The following TMEM132B variants were observed in gnomAD, a reference collection of about 807,000 sequenced individuals.
TMEM132B encodes the protein transmembrane protein 132B.
A neutral mutation model predicts 90.8 loss-of-function variants in TMEM132B; 18 were observed. That is an observed-to-expected ratio of 0.20 (90% CI 0.14 to 0.29). The LOEUF (loss-of-function observed/expected upper bound fraction) is 0.29. TMEM132B is among the 10% of genes least tolerant of loss of function. The probability of loss-of-function intolerance (pLI) is 1.00; values close to 1 mark genes in which losing one functional copy is unlikely to be tolerated. For missense variants in TMEM132B, 1,096 were observed against 1,326.8 expected, an observed-to-expected ratio of 0.83 and a Z score of 2.70; for synonymous variants, 504 against 523.3, an observed-to-expected ratio of 0.96 and a Z score of 0.50.
At chr12:125,565,290 G>A (rs532096908) in intron 4 of TMEM132B, among the ~76,000 whole-genome samples, 1 of 152,182 alleles carries the variant, frequency 6.6e-6, no homozygotes, top group Non-Finnish European at 1.5e-5. Context: ...GAGCTGCCAT[G>A]CATGCTCAAA....
intron 4 of TMEM132B, among the ~76,000 whole-genome samples, chr12:125,563,226 CAG>C (rs1029467954): frequency 2.6e-5 from 4 of 151,540 alleles, no homozygotes; most frequent in African/African-American, 4.9e-5. Flanking sequence ...CAAAATGTGA[CAG>C]AGACTTAAGT....
At chr12:125,470,343 T>C (rs1881679446) in intron 3 of TMEM132B, among the ~76,000 whole-genome samples, 1 of 152,180 alleles carries the variant, frequency 6.6e-6, no homozygotes, top group Non-Finnish European at 1.5e-5. Flanking sequence ...TACAGAGTGG[T>C]CTTTGCTGCA....
chr12:125,582,714 T>C (rs1033985544), intron 4 of TMEM132B, among the ~76,000 whole-genome samples: 8 of 152,242 alleles, frequency 5.3e-5, no homozygotes, highest in African/African-American at 1.9e-4. Flanking sequence ...GCTGGATTTA[T>C]TGCATGCTTG....
chr12:125,437,381 G>C (rs1217820794), intron 3 of TMEM132B, among the ~76,000 whole-genome samples: 1 of 152,204 alleles, frequency 6.6e-6, no homozygotes, highest in African/African-American at 2.4e-5. Flanking sequence ...TGTGCATAGT[G>C]CTGCTATAAA....
intron 8 of TMEM132B, among the ~76,000 whole-genome samples, chr12:125,653,101 A>G (rs183487661): frequency 7.5e-4 from 114 of 152,298 alleles, no homozygotes; most frequent in African/African-American, 2.6e-3. Flanking sequence ...GAGCCACTGT[A>G]CCATTCAAGC....
At chr12:125,617,901 A>G (rs558328898) in intron 5 of TMEM132B, among the ~76,000 whole-genome samples, 7 of 151,928 alleles carry the variant, frequency 4.6e-5, no homozygotes, top group South Asian at 4.2e-4. Flanking sequence ...TTGAGTTTAT[A>G]TATTAATAGT....
intron 1 of TMEM132B, among the ~76,000 whole-genome samples, chr12:125,338,304 C>G (rs565970600): frequency 1.3e-5 from 2 of 152,302 alleles, no homozygotes; most frequent in East Asian, 3.9e-4. Context: ...CTTGTCTTCT[C>G]ACATTGTGTC....
chr12:125,317,186 C>T (rs879784837), intron 1 of TMEM132B, among the ~76,000 whole-genome samples: 17 of 151,610 alleles, frequency 1.1e-4, no homozygotes, highest in Admixed American at 2.0e-4. Context: ...CCTCAGTTTC[C>T]TCCTCAGATG....
chr12:125,440,276 G>A (rs1379981289), intron 3 of TMEM132B, among the ~76,000 whole-genome samples: 3 of 152,152 alleles, frequency 2.0e-5, no homozygotes, highest in Non-Finnish European at 4.4e-5. Flanking sequence ...TTTTGTCAGA[G>A]AAACACTCAC....
chr12:125,198,187 A>G (rs1872973310), intron 1 of TMEM132B, among the ~76,000 whole-genome samples: 2 of 152,184 alleles, frequency 1.3e-5, no homozygotes, highest in Non-Finnish European at 2.9e-5. Flanking sequence ...GTGATGCTGC[A>G]ATGGAGATGA....
intron 1 of TMEM132B, among the ~76,000 whole-genome samples, chr12:125,317,686 G>A (rs1876321338): frequency 6.6e-6 from 1 of 152,120 alleles, no homozygotes; most frequent in South Asian, 2.1e-4. Flanking sequence ...TCCAGGGCTG[G>A]GCTTTCACCT....
chr12:125,322,743 A>T (rs1407426694), intron 1 of TMEM132B, among the ~76,000 whole-genome samples: 1 of 152,214 alleles, frequency 6.6e-6, no homozygotes, highest in Non-Finnish European at 1.5e-5. Flanking sequence ...TATAAAAGTG[A>T]TTATAATTAA....
intron 1 of TMEM132B, among the ~76,000 whole-genome samples, chr12:125,219,957 CTG>C (rs1873522393): frequency 6.6e-6 from 1 of 152,206 alleles, no homozygotes; most frequent in Non-Finnish European, 1.5e-5. Context: ...TGGAAGCCTG[CTG>C]TGTGTCAGTA....
chr12:125,630,431 G>T lies in TMEM132B; in HGVS notation c.1438-13645G>T, dbSNP rs1593032616. ...GTTTCCAATTTATTTATGTATAGTT[G>T]CTTATGGTAGCCACTAATAATCCTT... is the stretch of plus-strand genomic sequence containing the variant. On this transcript the variant is annotated intron_variant, in intron 5 of 8. Coordinates refer to ENST00000682704, the MANE Select transcript of TMEM132B (RefSeq NM_001366854.1). 3.9e-5 allele frequency among the ~76,000 whole-genome samples: 6 copies of T among 151,936 alleles called. No homozygotes were observed. The South Asian group carries it at 1.2e-3, about 32-fold the overall frequency.
chr12:125,560,244 G>A (rs562628948), intron 4 of TMEM132B, among the ~76,000 whole-genome samples: 20 of 152,286 alleles, frequency 1.3e-4, no homozygotes, highest in Non-Finnish European at 1.8e-4. Context: ...TGGGAGCTGC[G>A]GGTGGGCTCA....
At chr12:125,297,116 C>T (rs896995030) in intron 1 of TMEM132B, among the ~76,000 whole-genome samples, 3 of 151,040 alleles carry the variant, frequency 2.0e-5, no homozygotes, top group Admixed American at 2.0e-4. Flanking sequence ...GTGCTGGCCA[C>T]AGGTCCAGAG....
At position 125,561,596 on chromosome 12, in the gene TMEM132B, T is replaced by C. The variant is rs1758974495; in HGVS notation, c.1294-22255T>C. Among the ~76,000 whole-genome samples, 5 of 152,214 alleles carry C rather than the reference T, an allele frequency of 3.3e-5. No homozygotes were observed. In the South Asian group the frequency reaches 1.0e-3, roughly 32 times the overall value. On this transcript the variant is annotated intron_variant, in intron 4 of 8. Transcript: ENST00000682704. ...CAAAATTACTCCTTGATCAATGGGA[T>C]GCTGAATGGATGTTGTGTTATCAGG... is the stretch of plus-strand genomic sequence containing the variant.
intron 1 of TMEM132B, among the ~76,000 whole-genome samples, chr12:125,212,851 C>G (rs2136067058): frequency 1.3e-5 from 2 of 152,246 alleles, no homozygotes; most frequent in Middle Eastern, 3.4e-3. Flanking sequence ...AATACAAAAA[C>G]AAAGGGTTAT....
chr12:125,519,026 C>G (rs1293746167), intron 3 of TMEM132B, among the ~76,000 whole-genome samples: 1 of 152,176 alleles, frequency 6.6e-6, no homozygotes, highest in Non-Finnish European at 1.5e-5. Flanking sequence ...GCAGGAATGG[C>G]CAAGGTCCAG....
Sources: allele counts gnomAD v4.1 joint callset (sites outside exome capture counted in the v4.1 genomes callset), GRCh38; gene constraint gnomAD v4.1.1; transcripts MANE v1.5; gene names NCBI Gene and HGNC (gene_info 2026-07-23, HGNC 2026-07-21).